Variants in ZNF362 observed in about 807,000 individuals in gnomAD.
ZNF362 encodes the protein rotund homolog.
A neutral mutation model predicts 42.9 loss-of-function variants in ZNF362; 11 were observed. The observed-to-expected ratio is 0.26, with a 90% confidence interval of 0.16 to 0.42. ZNF362 has a LOEUF of 0.42. Ranked by LOEUF, ZNF362 falls within the 20% of genes least tolerant of loss-of-function variation. The pLI, the probability that ZNF362 is intolerant of heterozygous loss-of-function variation, is 1.00. For synonymous variants in ZNF362, 255 were observed against 257.3 expected (o/e 0.99, Z 0.09); for missense variants, 362 against 576.2 (o/e 0.63, Z 3.81).
chr1:33,273,051 C>T (rs1164034104), intron 2 of ZNF362, among the ~76,000 whole-genome samples: 1 of 152,272 alleles, frequency 6.6e-6, no homozygotes, highest in Non-Finnish European at 1.5e-5. Flanking sequence ...CCCTTCACCT[C>T]TCACCAGGGC....
chr1:33,193,865 T>C, the ZNF362 span, among the ~76,000 whole-genome samples: 2 of 152,188 alleles, frequency 1.3e-5, no homozygotes, highest in Admixed American at 1.3e-4. Flanking sequence ...TTGAAGGCAG[T>C]AACGGTACTA....
chr1:33,297,541 C>G (rs1034377679), intron 8 of ZNF362, among the ~76,000 whole-genome samples: 4 of 110,080 alleles, frequency 3.6e-5, no homozygotes, highest in African/African-American at 1.5e-4. Context: ...GAGACGGAGT[C>G]TTGCTCTGTC....
chr1:33,134,196 A>G, the ZNF362 span, among the ~76,000 whole-genome samples: 3 of 152,230 alleles, frequency 2.0e-5, no homozygotes, highest in African/African-American at 7.2e-5. Context: ...CAGTCCCTCA[A>G]TAAATTTTAG....
upstream of ZNF362, among the ~76,000 whole-genome samples, chr1:33,254,869 C>A (rs976586120): frequency 2.0e-5 from 3 of 152,106 alleles, no homozygotes; most frequent in South Asian, 6.2e-4. Flanking sequence ...TCTCTTCTCT[C>A]CCGTTTATTA....
chr1:33,158,067 G>A, the ZNF362 span, among the ~76,000 whole-genome samples: 3 of 152,272 alleles, frequency 2.0e-5, no homozygotes, highest in African/African-American at 7.2e-5. Context: ...CTCCTGGGGT[G>A]TTATGAAGGT....
the ZNF362 span, among the ~76,000 whole-genome samples, chr1:33,130,089 C>A: frequency 6.6e-6 from 1 of 152,146 alleles, no homozygotes; most frequent in Admixed American, 6.5e-5. Context: ...AAACTCCTGA[C>A]CTCACGTGAT....
intron 6 of ZNF362, among the ~76,000 whole-genome samples, chr1:33,288,735 C>T (rs1646050892): frequency 4.7e-4 from 1 of 2,122 alleles, no homozygotes; most frequent in African/African-American, 8.3e-4. Flanking sequence ...TAGAGCGAGA[C>T]TCTGTCTCAA....
the ZNF362 span, among the ~76,000 whole-genome samples, chr1:33,247,848 C>T: frequency 6.6e-6 from 1 of 152,220 alleles, no homozygotes; most frequent in South Asian, 2.1e-4. Flanking sequence ...CTTCCACACC[C>T]ATGAGCTCCT....
the ZNF362 span, among the ~76,000 whole-genome samples, chr1:33,174,621 C>T: frequency 2.6e-5 from 4 of 152,230 alleles, no homozygotes; most frequent in African/African-American, 9.6e-5. Flanking sequence ...CCTGTCAAAG[C>T]CTTGAACCCA....
At chr1:33,235,519 A>G in the ZNF362 span, among the ~76,000 whole-genome samples, 6 of 152,318 alleles carry the variant, frequency 3.9e-5, no homozygotes, top group Non-Finnish European at 7.4e-5. Context: ...CTTGTTAAAG[A>G]AAACATTCTT....
chr1:33,276,152 A>G lies in ZNF362; in HGVS notation c.91A>G (p.Met31Val). The G allele has an allele frequency of 1.9e-6, 3 of 1,613,658 alleles. No individual in the cohort carries two copies. The South Asian group carries it at 3.3e-5, about 18-fold the overall frequency. Residue 31 changes from methionine to valine, a missense_variant, in exon 3 of 9, where the codon ATG (methionine) becomes GTG (valine). Physicochemically the swap from Met to Val is conservative, Grantham distance 21. Transcript: ENST00000539719. ...CTACTTCTGGCCCCCTCCTCCCACC[A>G]TGCCCAGCCAGGTAAGACTGACGTC... is the stretch of plus-strand genomic sequence containing the variant. ...NPYFWPPPPT[M>V]PSQLDNLVLI...
chr1:33,238,368 A>AAATAAAATAAAATAAAATAAAATAAAAT, the ZNF362 span, among the ~76,000 whole-genome samples: 1 of 103,940 alleles, frequency 9.6e-6, no homozygotes, highest in Non-Finnish European at 2.1e-5. Flanking sequence ...TAAAATAATA[A>AAATAAAATAAAATAAAATAAAATAAAAT]AATAAAATAA....
the ZNF362 span, among the ~76,000 whole-genome samples, chr1:33,190,739 G>A: frequency 6.6e-6 from 1 of 152,172 alleles, no homozygotes; most frequent in Non-Finnish European, 1.5e-5. Flanking sequence ...TAGTGCTGGG[G>A]CTGGGGTTCA....
chr1:33,197,610 C>T, the ZNF362 span, among the ~76,000 whole-genome samples: 4 of 152,134 alleles, frequency 2.6e-5, no homozygotes, highest in African/African-American at 9.7e-5. Flanking sequence ...GTGAGCTAAA[C>T]AGTTTCCAAC....
chr1:33,137,460 G>T, the ZNF362 span, among the ~76,000 whole-genome samples: 1 of 152,162 alleles, frequency 6.6e-6, no homozygotes, highest in African/African-American at 2.4e-5. Flanking sequence ...ATCATGAGGC[G>T]TACAGGGACT....
chr1:33,207,021 T>C, the ZNF362 span, among the ~76,000 whole-genome samples: 13 of 152,298 alleles, frequency 8.5e-5, no homozygotes, highest in Admixed American at 2.6e-4. Context: ...TACACAGATA[T>C]ACATGTGCCA....
At chr1:33,175,312 G>A in the ZNF362 span, among the ~76,000 whole-genome samples, 3 of 152,054 alleles carry the variant, frequency 2.0e-5, no homozygotes, top group African/African-American at 7.2e-5. Flanking sequence ...GAAGTGCTGG[G>A]ATTACAGGCG....
chr1:33,238,170 T>G, the ZNF362 span, among the ~76,000 whole-genome samples: 1 of 151,360 alleles, frequency 6.6e-6, no homozygotes, highest in African/African-American at 2.4e-5. Context: ...TACAAAAAAA[T>G]TAGCCAGGCG....
At chr1:33,130,009 G>T in the ZNF362 span, among the ~76,000 whole-genome samples, 1 of 152,156 alleles carries the variant, frequency 6.6e-6, no homozygotes, top group Non-Finnish European at 1.5e-5. Context: ...ACAGGCATGA[G>T]CCACCATGCC....
Sources: gnomAD v4.1 joint callset for allele counts (sites outside exome capture counted in the v4.1 genomes callset) on GRCh38, gnomAD v4.1.1 for gene constraint, MANE v1.5 for transcripts, NCBI Gene and HGNC (gene_info 2026-07-23, HGNC 2026-07-21) for gene names.